Variants in DPH6 observed in about 807,000 individuals in gnomAD.
DPH6 encodes diphthine--ammonia ligase.
DPH6 carries 33 observed loss-of-function variants against 38.2 expected under a neutral mutation model. That is an observed-to-expected ratio of 0.86 (90% CI 0.65 to 1.15). The LOEUF (loss-of-function observed/expected upper bound fraction) is 1.15, where lower values mean the gene tolerates loss of function less well. DPH6 is among the 50% of genes most tolerant of loss of function. The probability of loss-of-function intolerance (pLI) is 0.00; values close to 1 mark genes in which losing one functional copy is unlikely to be tolerated. For synonymous variants in DPH6, 108 were observed against 103.0 expected, an observed-to-expected ratio of 1.05 and a Z score of -0.30; for missense variants, 325 against 320.0, an observed-to-expected ratio of 1.02 and a Z score of -0.12.
At chr15:35,461,343 G>A (rs949763626) in intron 3 of DPH6, among the ~76,000 whole-genome samples, 1 of 152,174 alleles carries the variant, frequency 6.6e-6, no homozygotes, top group South Asian at 2.1e-4. Context: ...AAAGTGCTGG[G>A]ATTACAGGCA....
intron 3 of DPH6, chr15:35,520,834 A>G (rs2054913541): frequency 1.0e-6 from 1 of 984,850 alleles, no homozygotes; most frequent in African/African-American, 1.7e-5. Flanking sequence ...ACATTAATAC[A>G]GGTACCATAA....
chr15:35,347,409 C>T (rs1326387762), intron 3 of DPH6, among the ~76,000 whole-genome samples: 4 of 151,434 alleles, frequency 2.6e-5, no homozygotes, highest in Non-Finnish European at 4.4e-5. Flanking sequence ...GCCTAGGCCT[C>T]CCAAAGTGCT....
chr15:35,192,194 A>G, the DPH6 span, among the ~76,000 whole-genome samples: 3 of 152,168 alleles, frequency 2.0e-5, no homozygotes, highest in Non-Finnish European at 2.9e-5. Flanking sequence ...GTGCAAAATA[A>G]TGGGTTTGTA....
Position 35,310,373 on chromosome 15 carries a change from T to C in DPH6, n.200+63148A>G, listed in dbSNP as rs531082528. Among the ~76,000 whole-genome samples, 5 of 152,276 alleles carry C rather than the reference T, an allele frequency of 3.3e-5. No homozygotes were observed. The East Asian group carries it at 9.7e-4, about 29-fold the overall frequency. On this transcript the variant is annotated intron_variant and non_coding_transcript_variant, in intron 3 of 3. Coordinates refer to the DPH6 transcript ENST00000560386. ...GGGCCAGTAAGGGACTGTTCTAGGG[T>C]AGGCAGTCCAGCCTTGCATGCTCTG...
In DPH6 at chr15:35,244,787, C is replaced by A. The variant is rs75738734; in HGVS notation, n.201-24205G>T. Reference sequence around the variant, plus strand: ...GCTGAGTTACACATTATTAATAATACCAGGGCTGAACTGGGGATAAGGAGA... The same window carrying A: ...GCTGAGTTACACATTATTAATAATAACAGGGCTGAACTGGGGATAAGGAGA... On this transcript the variant is annotated intron_variant and non_coding_transcript_variant, in intron 3 of 3. Transcript: ENST00000560386. 7.7e-3 allele frequency among the ~76,000 whole-genome samples: 1,174 copies of A among 152,222 alleles called. 5 individuals are homozygous for A. The highest frequency in any genetic ancestry group is 0.013 in the Non-Finnish European group (871 of 68,014).
chr15:35,507,916 T>C (rs2054716949), intron 3 of DPH6, among the ~76,000 whole-genome samples: 2 of 152,122 alleles, frequency 1.3e-5, no homozygotes, highest in African/African-American at 4.8e-5. Flanking sequence ...TACATGTATA[T>C]GTATAGACAT....
At chr15:35,355,693 C>T (rs747988244) in intron 3 of DPH6, among the ~76,000 whole-genome samples, 10 of 152,180 alleles carry the variant, frequency 6.6e-5, no homozygotes, top group Non-Finnish European at 1.3e-4. Context: ...GTAACCCAAC[C>T]TTTCTCTCTG....
At chr15:35,435,980 T>C (rs142320302) in intron 5 of DPH6, among the ~76,000 whole-genome samples, 31 of 152,054 alleles carry the variant, frequency 2.0e-4, no homozygotes, top group Non-Finnish European at 3.2e-4. Context: ...ATCTTTTCTT[T>C]TACTATAGCA....
downstream of DPH6, chr15:35,366,036 AAAGT>A (rs2052655495): frequency 1.0e-6 from 1 of 981,492 alleles, no homozygotes; most frequent in Non-Finnish European, 1.2e-6. Flanking sequence ...TTGGCAAATA[AAAGT>A]CATCATTTAT....
chr15:35,176,118 G>C, the DPH6 span, among the ~76,000 whole-genome samples: 12 of 152,186 alleles, frequency 7.9e-5, no homozygotes, highest in African/African-American at 2.9e-4. Flanking sequence ...CATTGTGTGT[G>C]AATCACTGTA....
At chr15:35,490,719 G>A (rs2054464791) in intron 3 of DPH6, among the ~76,000 whole-genome samples, 2 of 152,088 alleles carry the variant, frequency 1.3e-5, no homozygotes, top group Non-Finnish European at 2.9e-5. Context: ...ATTATATCTG[G>A]AAGAATGTGA....
At chr15:35,496,562 AAAAAAAT>A (rs1485571032) in intron 3 of DPH6, among the ~76,000 whole-genome samples, 1 of 95,988 alleles carries the variant, frequency 1.0e-5, no homozygotes, top group African/African-American at 4.4e-5. Flanking sequence ...TCTCAAAAAA[AAAAAAAT>A]ATATATATAT....
At chr15:35,174,974 T>C in the DPH6 span, among the ~76,000 whole-genome samples, 1 of 152,228 alleles carries the variant, frequency 6.6e-6, no homozygotes, top group African/African-American at 2.4e-5. Context: ...TCTGTATTTA[T>C]GTTTTCATCC....
At chr15:35,524,790 C>A (rs2054974314) in intron 3 of DPH6, among the ~76,000 whole-genome samples, 1 of 152,096 alleles carries the variant, frequency 6.6e-6, no homozygotes, top group Non-Finnish European at 1.5e-5. Context: ...AATCACATGG[C>A]TCTGGGTTTT....
the DPH6 span, among the ~76,000 whole-genome samples, chr15:35,178,142 A>G: frequency 9.8e-5 from 15 of 152,334 alleles, no homozygotes; most frequent in African/African-American, 3.4e-4. Flanking sequence ...CTATGTGAAC[A>G]AAACAGATAT....
intron 3 of DPH6, among the ~76,000 whole-genome samples, chr15:35,284,030 C>G (rs775017040): frequency 1.3e-5 from 2 of 152,032 alleles, no homozygotes; most frequent in Non-Finnish European, 2.9e-5. Context: ...TCGGAGGGGC[C>G]AACAGGACAG....
chr15:35,149,383 A>G, the DPH6 span, among the ~76,000 whole-genome samples: 1 of 151,982 alleles, frequency 6.6e-6, no homozygotes, highest in Admixed American at 6.6e-5. Context: ...GATTACAGGC[A>G]CCCACTACTA....
chr15:35,515,589 C>T (rs112157522), intron 3 of DPH6, among the ~76,000 whole-genome samples: 13,994 of 151,784 alleles, frequency 0.092, 891 homozygotes, highest in African/African-American at 0.18. Context: ...GGCACGGTGG[C>T]GGGCGCCTGT....
chr15:35,406,260 G>A (rs570956181), intron 6 of DPH6, among the ~76,000 whole-genome samples: 1 of 151,934 alleles, frequency 6.6e-6, no homozygotes, highest in Admixed American at 6.6e-5. Context: ...ATTCACTCTG[G>A]GAAACCATCG....
Sources: allele counts gnomAD v4.1 joint callset (sites outside exome capture counted in the v4.1 genomes callset), GRCh38; gene constraint gnomAD v4.1.1; transcripts MANE v1.5; gene names NCBI Gene and HGNC (gene_info 2026-07-23, HGNC 2026-07-21).